The following TMC7 variants were observed in gnomAD, a reference collection of about 807,000 sequenced individuals.
The protein encoded by TMC7 is transmembrane channel-like protein 7.
A neutral mutation model predicts 82.9 loss-of-function variants in TMC7; 54 were observed. That is an observed-to-expected ratio of 0.65 (90% CI 0.52 to 0.82). The LOEUF (loss-of-function observed/expected upper bound fraction) is 0.82, where lower values mean the gene tolerates loss of function less well. Ranked by LOEUF, TMC7 falls within the 40% of genes least tolerant of loss-of-function variation. The pLI, the probability that TMC7 is intolerant of heterozygous loss-of-function variation, is 0.00. For missense variants in TMC7, 820 were observed against 901.2 expected (o/e 0.91, Z 1.15); for synonymous variants, 350 against 337.9 (o/e 1.04, Z -0.39).
At chr16:18,992,872 T>C (rs539535916) in intron 1 of TMC7, among the ~76,000 whole-genome samples, 3 of 152,260 alleles carry the variant, frequency 2.0e-5, no homozygotes, top group Admixed American at 6.5e-5. Context: ...CCCCATTTCT[T>C]GTTATTGTTA....
chr16:19,060,415 G>A (rs1333044777), intron 15 of TMC7, among the ~76,000 whole-genome samples: 5 of 152,000 alleles, frequency 3.3e-5, no homozygotes, highest in Non-Finnish European at 7.4e-5. Context: ...ATGTTGCCCA[G>A]GCTGGTCTTG....
intron 2 of TMC7, among the ~76,000 whole-genome samples, chr16:19,015,269 G>GT (rs60420228): frequency 0.019 from 2,664 of 142,514 alleles, 73 homozygotes; most frequent in African/African-American, 0.063. Flanking sequence ...TGGCCTCCTT[G>GT]TTTTTTTTTT....
At chr16:19,048,313 G>GACCCT (rs1038365333) in intron 12 of TMC7, among the ~76,000 whole-genome samples, 3 of 151,952 alleles carry the variant, frequency 2.0e-5, no homozygotes, top group Admixed American at 6.6e-5. Flanking sequence ...ATTTGTGTAA[G>GACCCT]ACCCTGGGCG....
Position 19,047,096 on chromosome 16 carries a change from G to A in TMC7, c.1587G>A (p.Leu529=), listed in dbSNP as rs148359522. ...TGACCTACTGTTCCTCTTGCAAGCTGATTCAGTGCTGGGGGCAGCAGGAGT... is the reference window on the plus strand; with the variant it reads ...TGACCTACTGTTCCTCTTGCAAGCTAATTCAGTGCTGGGGGCAGCAGGAGT... ...LLVTYCSSCK[L]IQCWGQQEFA... Residue 529 remains leucine (L), a synonymous_variant, in exon 12 of 16, where the codon CTG becomes CTA. Coordinates refer to ENST00000304381, the MANE Select transcript of TMC7 (RefSeq NM_024847.4). The A allele has an allele frequency of 6.9e-5, 112 of 1,612,862 alleles. No individual in the cohort carries two copies. Among genetic ancestry groups the A allele is most frequent in the Middle Eastern group, 1.7e-4 (1 of 6,038 alleles).
chr16:19,016,307 C>G, intron 2 of TMC7, 143 bp from the exon 3 acceptor site: 4 of 866,446 alleles, frequency 4.6e-6, no homozygotes, highest in Non-Finnish European at 6.9e-6. Context: ...CCAGGCTGGT[C>G]TTGAACTCCT....
Position 18,983,942 on chromosome 16 carries a change from T to C in TMC7, c.-122T>C, listed in dbSNP as rs943340616. On this transcript the variant is annotated 5_prime_UTR_variant, in exon 1 of 16. Coordinates refer to ENST00000304381, the MANE Select transcript of TMC7 (RefSeq NM_024847.4). ...CCTCGCGGGGGCGCCCCACTCCGGC[T>C]TCTGTGATGTCAGCGCCGGAACCTG... The C allele has an allele frequency of 1.5e-5, 17 of 1,102,922 alleles. No individual in the cohort carries two copies. Among genetic ancestry groups the C allele is most frequent in the African/African-American group, 6.7e-5 (4 of 60,014 alleles). The allele number at this position is 1,102,922 out of a possible 1,614,324, so 68.3% of individuals were successfully genotyped here.
chr16:19,007,970 G>A (rs147745722), intron 1 of TMC7, among the ~76,000 whole-genome samples: 1 of 152,144 alleles, frequency 6.6e-6, no homozygotes, highest in Non-Finnish European at 1.5e-5. Context: ...GAGTATTTGA[G>A]ATGAGGAAAC....
chr16:19,060,502 G>A (rs1011005604), intron 15 of TMC7, among the ~76,000 whole-genome samples: 1 of 152,078 alleles, frequency 6.6e-6, no homozygotes, highest in African/African-American at 2.4e-5. Flanking sequence ...ACTATGCCTG[G>A]ACCCTAGCTG....
At chr16:19,002,524 A>G (rs1345963043) in intron 1 of TMC7, among the ~76,000 whole-genome samples, 2 of 151,948 alleles carry the variant, frequency 1.3e-5, no homozygotes, top group Admixed American at 1.3e-4. Flanking sequence ...GGCGTGAGCC[A>G]CAGTGCCCAG....
In TMC7 at chr16:19,028,113, A is replaced by G. The variant is rs189908976; in HGVS notation, c.712-2111A>G. 3.2e-3 allele frequency among the ~76,000 whole-genome samples: 493 copies of G among 152,204 alleles called. 2 individuals are homozygous for G. Among genetic ancestry groups the G allele is most frequent in the African/African-American group, 0.011 (473 of 41,516 alleles). On this transcript the variant is annotated intron_variant, in intron 5 of 15. Coordinates refer to ENST00000304381, the MANE Select transcript of TMC7 (RefSeq NM_024847.4). ...CTCTCATTTCCTTCCTTTATAAACAATGCTGTAGGGAACCTCTATGTATTA... is the reference window on the plus strand; with the variant it reads ...CTCTCATTTCCTTCCTTTATAAACAGTGCTGTAGGGAACCTCTATGTATTA...
At chr16:18,989,076 A>C (rs2038903231) in intron 1 of TMC7, among the ~76,000 whole-genome samples, 1 of 151,814 alleles carries the variant, frequency 6.6e-6, no homozygotes, top group South Asian at 2.1e-4. Context: ...AAAGGAATTT[A>C]CATAGTTGAA....
At chr16:18,991,100 C>T (rs999339463) in intron 1 of TMC7, among the ~76,000 whole-genome samples, 5 of 152,176 alleles carry the variant, frequency 3.3e-5, no homozygotes, top group Admixed American at 6.5e-5. Flanking sequence ...AGGGCTGCTT[C>T]GAGCGGGACT....
At chr16:19,020,023 A>G (rs913162911) in intron 3 of TMC7, among the ~76,000 whole-genome samples, 1 of 152,158 alleles carries the variant, frequency 6.6e-6, no homozygotes, top group African/African-American at 2.4e-5. Context: ...CAATTTAATC[A>G]TTATCTAGCG....
At chr16:19,034,146 C>G (rs1960636792) in intron 6 of TMC7, among the ~76,000 whole-genome samples, 1 of 152,180 alleles carries the variant, frequency 6.6e-6, no homozygotes, top group African/African-American at 2.4e-5. Flanking sequence ...CTTTATCCAT[C>G]AGTTGCATGT....
intron 1 of TMC7, among the ~76,000 whole-genome samples, chr16:19,008,000 G>T (rs543728945): frequency 2.0e-5 from 3 of 152,296 alleles, no homozygotes; most frequent in African/African-American, 7.2e-5. Flanking sequence ...GAAAGGTTAA[G>T]TAACTTTCAC....
intron 13 of TMC7, among the ~76,000 whole-genome samples, chr16:19,053,913 G>A (rs1961654224): frequency 7.0e-6 from 1 of 143,304 alleles, no homozygotes; most frequent in Non-Finnish European, 1.5e-5. Context: ...GAACTCCTGA[G>A]CCCAAGTGAT....
chr16:18,999,749 G>A (rs8057096), intron 1 of TMC7, among the ~76,000 whole-genome samples: 46,962 of 151,702 alleles, frequency 0.31, 7,493 homozygotes, highest in Non-Finnish European at 0.35. Context: ...TAGAGTCTGG[G>A]GACGTTTTTT....
Position 19,051,526 on chromosome 16 carries a change from G to A in TMC7, c.1741-160G>A, listed in dbSNP as rs189343591. ...TGTTTGGTTTTTTGTCCTTGTGATAGTTTGGATGAAACCTTTTTCATTTTG... is the reference window on the plus strand; with the variant it reads ...TGTTTGGTTTTTTGTCCTTGTGATAATTTGGATGAAACCTTTTTCATTTTG... On this transcript the variant is annotated intron_variant, in intron 12 of 15. Coordinates refer to ENST00000304381, the MANE Select transcript of TMC7 (RefSeq NM_024847.4). 1.0e-3 allele frequency among the ~76,000 whole-genome samples: 158 copies of A among 151,912 alleles called. 1 individual carries two copies. The highest frequency in any genetic ancestry group is 3.8e-3 in the African/African-American group (156 of 41,424).
At chr16:19,019,903 G>A (rs1195832127) in intron 3 of TMC7, among the ~76,000 whole-genome samples, 1 of 152,254 alleles carries the variant, frequency 6.6e-6, no homozygotes, top group Admixed American at 6.5e-5. Context: ...GTATTAGACA[G>A]TGGCAAAAAA....
Sources: allele counts gnomAD v4.1 joint callset (sites outside exome capture counted in the v4.1 genomes callset), GRCh38; gene constraint gnomAD v4.1.1; transcripts MANE v1.5; gene names NCBI Gene and HGNC (gene_info 2026-07-23, HGNC 2026-07-21).